EZH1: variants seen among roughly 807,000 people sequenced by gnomAD.
EZH1 encodes enhancer of zeste 1 polycomb repressive complex 2 subunit.
A neutral mutation model predicts 100.5 loss-of-function variants in EZH1; 33 were observed. The ratio of observed to expected loss-of-function variants is 0.33; its 90% CI spans 0.25 to 0.44. The LOEUF (loss-of-function observed/expected upper bound fraction) is 0.44, where lower values mean the gene tolerates loss of function less well. Ranked by LOEUF, EZH1 falls within the 20% of genes least tolerant of loss-of-function variation. The pLI is 1.00. For missense variants in EZH1, 475 were observed against 928.4 expected (o/e 0.51, Z 6.35); for synonymous variants, 272 against 313.8 (o/e 0.87, Z 1.41).
chr17:42,702,730 C>T, intron 20 of EZH1, 138 bp from the exon 21 acceptor site: 2 of 1,258,346 alleles, frequency 1.6e-6, no homozygotes, highest in Non-Finnish European at 2.3e-6. Context: ...GGCAAGGCAC[C>T]AGATATCAGA....
chr17:42,737,588 A>G (rs1468089382), intron 1 of EZH1, among the ~76,000 whole-genome samples: 1 of 152,228 alleles, frequency 6.6e-6, no homozygotes, highest in African/African-American at 2.4e-5. Flanking sequence ...CCTGGGTGAC[A>G]GAGTGAGACC....
intron 7 of EZH1, among the ~76,000 whole-genome samples, chr17:42,719,413 T>C (rs1009257781): frequency 6.6e-6 from 1 of 152,202 alleles, no homozygotes; most frequent in Non-Finnish European, 1.5e-5. Flanking sequence ...TAGAGTAGTC[T>C]ACATATTAAC....
intron 12 of EZH1, 26 bp downstream of exon 12, chr17:42,712,262 AT>A (rs763306436): frequency 1.9e-6 from 3 of 1,608,698 alleles, no homozygotes; most frequent in East Asian, 4.5e-5. Context: ...GGAGGGGCCC[AT>A]TTGTTCTGCT....
At chr17:42,707,451 G>A (rs1024087744) in intron 15 of EZH1, among the ~76,000 whole-genome samples, 2 of 152,174 alleles carry the variant, frequency 1.3e-5, no homozygotes, top group African/African-American at 2.4e-5. Context: ...TAGTAGAGAC[G>A]GGGTTCACCA....
chr17:42,723,676 A>C (rs2053762182), intron 5 of EZH1, among the ~76,000 whole-genome samples: 1 of 152,204 alleles, frequency 6.6e-6, no homozygotes, highest in Non-Finnish European at 1.5e-5. Flanking sequence ...TCATTCTAAA[A>C]TCCCCAAGTA....
At chr17:42,719,489 T>C (rs1377093487) in intron 7 of EZH1, among the ~76,000 whole-genome samples, 1 of 152,160 alleles carries the variant, frequency 6.6e-6, no homozygotes. Context: ...TCCCAGTCAG[T>C]ACTTTGAGAG....
At chr17:42,741,689 G>A (rs969438222) in intron 1 of EZH1, among the ~76,000 whole-genome samples, 6 of 152,166 alleles carry the variant, frequency 3.9e-5, no homozygotes, top group Middle Eastern at 3.4e-3. Flanking sequence ...ATTTTGAATC[G>A]GTTTCTTATT....
At chr17:42,744,903 A>C in intron 1 of EZH1, 108 bp downstream of exon 1, 8 of 1,144,872 alleles carry the variant, frequency 7.0e-6, no homozygotes, top group South Asian at 4.2e-5. Flanking sequence ...TGTCCCTCGG[A>C]TTCCTTCCAA....
chr17:42,705,545 G>A lies in EZH1; in HGVS notation c.1840-362C>T. On this transcript the variant is annotated intron_variant, in intron 16 of 20. Transcript: ENST00000428826. The stretch of plus-strand genomic sequence containing the variant: ...CACTTTTCTTTCTCTTTTTGGAGAT[G>A]GAATCTCACTCTGTCCCAGGCTGGA... The A allele has an allele frequency of 1.0e-5, 2 of 198,332 alleles. 1 individual carries two copies. Among genetic ancestry groups the A allele is most frequent in the South Asian group, 1.7e-4 (2 of 11,736 alleles). The allele number at this position is 198,332 out of a possible 1,614,324, so 12.3% of individuals were successfully genotyped here.
chr17:42,729,182 G>A (rs1040659728), intron 2 of EZH1: 1 of 364,226 alleles, frequency 2.7e-6, no homozygotes, highest in Admixed American at 4.6e-5. Flanking sequence ...CGAGGTGAGA[G>A]CACTACTTGA....
chr17:42,722,267 T>C (rs145642841), intron 6 of EZH1, among the ~76,000 whole-genome samples: 39 of 147,754 alleles, frequency 2.6e-4, no homozygotes, highest in African/African-American at 9.5e-4. Flanking sequence ...CAATAAGCTA[T>C]GATCATGCCA....
At chr17:42,704,713 G>A in intron 17 of EZH1, 30 bp from the exon 18 acceptor site, 1 of 1,588,218 alleles carries the variant, frequency 6.3e-7, no homozygotes, top group South Asian at 1.1e-5. Flanking sequence ...ACAAATAGGA[G>A]TATCAGGCTG....
chr17:42,743,417 C>T (rs1475023670), intron 1 of EZH1, among the ~76,000 whole-genome samples: 3 of 142,376 alleles, frequency 2.1e-5, no homozygotes, highest in African/African-American at 5.3e-5. Flanking sequence ...GTGAACGGTC[C>T]ACCTCAGCCT....
chr17:42,700,949 G>T lies in EZH1; in HGVS notation c.*1583C>A, dbSNP rs373538089. On this transcript the variant is annotated 3_prime_UTR_variant, in exon 21 of 21. Transcript: ENST00000428826. ...CCTTCATGGGACAACAAGTGGAGTG[G>T]GAAGAAGCGGGGCTCTGAGTCCCAG... 6.6e-6 allele frequency: 1 copy of T among 152,442 alleles called. No homozygotes were observed. Among genetic ancestry groups the T allele is most frequent in the South Asian group, 2.1e-4 (1 of 4,828 alleles). 9.4% of individuals were successfully genotyped at this position (152,442 alleles called of 1,614,324 possible). A position where few individuals can be genotyped will look rare whatever the true frequency, so the allele number is the denominator to read the frequency against.
At chr17:42,710,850 T>C (rs918243840) in intron 12 of EZH1, among the ~76,000 whole-genome samples, 5 of 146,926 alleles carry the variant, frequency 3.4e-5, no homozygotes, top group African/African-American at 1.3e-4. Context: ...CCTGAAATCC[T>C]GGCTTCAAGC....
intron 10 of EZH1, among the ~76,000 whole-genome samples, chr17:42,715,305 GCCCTGTCA>G (rs1299085263): frequency 6.7e-6 from 1 of 148,510 alleles, no homozygotes; most frequent in Non-Finnish European, 1.5e-5. Context: ...ACGAGGTCTT[GCCCTGTCA>G]CCCAGGTGAG....
At chr17:42,729,386 GAC>G in intron 2 of EZH1, 1 of 168,474 alleles carries the variant, frequency 5.9e-6, no homozygotes, top group Non-Finnish European at 1.3e-5. Context: ...CAGCCTGAGT[GAC>G]AGAGTGAGAC....
At position 42,707,987 on chromosome 17, in the gene EZH1, C is replaced by T. The variant is rs1231363629; in HGVS notation, c.1631G>A (p.Cys544Tyr). The T allele has an allele frequency of 6.2e-7, 1 of 1,612,788 alleles. No homozygotes were observed. The highest frequency in any genetic ancestry group is 8.5e-7 in the Non-Finnish European group (1 of 1,179,846). Residue 544 changes from cysteine (C) to tyrosine (Y), a missense_variant, in exon 15 of 21, where the codon TGT (cysteine) becomes TAT (tyrosine). Cys to Tyr is a radical substitution (Grantham distance 194). Coordinates refer to ENST00000428826, the MANE Select transcript of EZH1 (RefSeq NM_001991.5). ...TGGGTTGCACTGGCAGAACTTCTCA[C>T]AGAAATTCTGAGTCATGATGCAGGG... is the stretch of plus-strand genomic sequence containing the variant. ...TCPCIMTQNF[C>Y]EKFCQCNPDC... is the part of the protein sequence containing the mutation.
At position 42,743,469 on chromosome 17, in the gene EZH1, C is replaced by CT. The variant is rs756192995; in HGVS notation, c.-103+1541dup. Among the ~76,000 whole-genome samples the CT allele has an allele frequency of 4.6e-3, 651 of 143,050 alleles. 5 individuals carry two copies. The highest frequency in any genetic ancestry group is 0.038 in the East Asian group (189 of 4,964). 93.8% of individuals were successfully genotyped at this position (143,050 alleles called of 152,430 possible). A position where few individuals can be genotyped will look rare whatever the true frequency, so the allele number is the denominator to read the frequency against. On this transcript the variant is annotated intron_variant, in intron 1 of 20. Coordinates refer to ENST00000428826, the MANE Select transcript of EZH1 (RefSeq NM_001991.5). ...TACAGGCATGAGCCACCGTGCCAGGCTTTTTTTTTTTTTCTTGAGACAGGG... is the reference window on the plus strand; with the variant it reads ...TACAGGCATGAGCCACCGTGCCAGGCTTTTTTTTTTTTTTCTTGAGACAGGG...
Sources: allele counts gnomAD v4.1 joint callset (sites outside exome capture counted in the v4.1 genomes callset), GRCh38; gene constraint gnomAD v4.1.1; transcripts MANE v1.5; gene names NCBI Gene and HGNC (gene_info 2026-07-23, HGNC 2026-07-21).